ACTR3C: variants seen among roughly 807,000 people sequenced by gnomAD.
ACTR3C encodes the protein actin-related protein 3C.
A neutral mutation model predicts 26.3 loss-of-function variants in ACTR3C; 18 were observed. The observed-to-expected ratio is 0.68, with a 90% confidence interval of 0.47 to 1.01. The LOEUF is 1.01. ACTR3C is among the 50% of genes least tolerant of loss of function. The pLI is 0.00. For synonymous variants in ACTR3C, 55 were observed against 94.5 expected (o/e 0.58, Z 2.42); for missense variants, 184 against 250.7 (o/e 0.73, Z 1.80).
intron 6 of ACTR3C, among the ~76,000 whole-genome samples, chr7:150,259,332 A>C (rs556810048): frequency 1.8e-4 from 27 of 152,152 alleles, no homozygotes; most frequent in Non-Finnish European, 3.2e-4. Context: ...GAAAGGAAAG[A>C]AAGAAAGAAA....
chr7:150,058,720 T>C, the ACTR3C span, among the ~76,000 whole-genome samples: 1 of 152,068 alleles, frequency 6.6e-6, no homozygotes, highest in African/African-American at 2.4e-5. Context: ...ATCGAGACCA[T>C]CCTGGCCAAC....
chr7:149,991,677 A>G, the ACTR3C span, among the ~76,000 whole-genome samples: 2 of 152,228 alleles, frequency 1.3e-5, no homozygotes, highest in Non-Finnish European at 2.9e-5. Context: ...TACTTCTGAC[A>G]TCTTAGATTA....
chr7:150,041,266 T>C, the ACTR3C span: 1 of 150,894 alleles, frequency 6.6e-6, no homozygotes, highest in Non-Finnish European at 1.5e-5. Context: ...GGATCCACAG[T>C]CTACAAAACC....
chr7:150,308,419 T>A (rs1197017084), intron 1 of ACTR3C, among the ~76,000 whole-genome samples: 2 of 152,180 alleles, frequency 1.3e-5, no homozygotes, highest in Non-Finnish European at 2.9e-5. Flanking sequence ...CACTTTCGAT[T>A]TCTCCATCCC....
the ACTR3C span, among the ~76,000 whole-genome samples, chr7:150,007,868 G>A: frequency 4.6e-5 from 7 of 152,014 alleles, no homozygotes; most frequent in Non-Finnish European, 8.8e-5. Flanking sequence ...TGGGGAGAAC[G>A]GAGGGGTGTG....
chr7:150,169,500 G>T, the ACTR3C span, among the ~76,000 whole-genome samples: 1 of 149,948 alleles, frequency 6.7e-6, no homozygotes, highest in African/African-American at 2.5e-5. Flanking sequence ...AAAGAATTCA[G>T]CAAGAAGCTT....
chr7:150,266,138 T>A (rs1834019540), intron 6 of ACTR3C, among the ~76,000 whole-genome samples: 1 of 148,514 alleles, frequency 6.7e-6, no homozygotes, highest in African/African-American at 2.6e-5. Context: ...GTTTTTTAAC[T>A]AAAAAATTAT....
chr7:150,128,245 G>A, the ACTR3C span, among the ~76,000 whole-genome samples: 52 of 151,386 alleles, frequency 3.4e-4, no homozygotes, highest in Admixed American at 1.2e-3. Context: ...CAGCTCCTTA[G>A]AAGAATTGCA....
the ACTR3C span, among the ~76,000 whole-genome samples, chr7:150,224,490 C>A: frequency 6.6e-6 from 1 of 152,146 alleles, no homozygotes; most frequent in Non-Finnish European, 1.5e-5. Flanking sequence ...GATAGTTTCT[C>A]ACATGTATTC....
the ACTR3C span, among the ~76,000 whole-genome samples, chr7:150,140,924 A>G: frequency 6.6e-6 from 1 of 152,274 alleles, no homozygotes; most frequent in East Asian, 1.9e-4. Flanking sequence ...CAGTGAACAC[A>G]TGAATGATAA....
At chr7:150,099,529 C>A in the ACTR3C span, among the ~76,000 whole-genome samples, 1 of 151,476 alleles carries the variant, frequency 6.6e-6, no homozygotes, top group Admixed American at 6.6e-5. Context: ...CCATGATGAT[C>A]TATGGGACAT....
intron 1 of ACTR3C, among the ~76,000 whole-genome samples, chr7:150,307,839 T>G (rs1278198102): frequency 6.6e-6 from 1 of 152,242 alleles, no homozygotes; most frequent in Non-Finnish European, 1.5e-5. Context: ...TCACCAATTT[T>G]AAATTGGGTA....
At chr7:150,295,385 A>C (rs1428094855) in intron 1 of ACTR3C, 38 bp from the exon 2 acceptor site, 1 of 1,591,048 alleles carries the variant, frequency 6.3e-7, no homozygotes, top group Non-Finnish European at 8.6e-7. Flanking sequence ...TGTTTACCCA[A>C]ATTTCATGTA....
the ACTR3C span, among the ~76,000 whole-genome samples, chr7:149,999,089 G>C: frequency 6.6e-6 from 1 of 150,598 alleles, no homozygotes; most frequent in Non-Finnish European, 1.5e-5. Context: ...TGGAAGGCCT[G>C]AGCTAGAGTA....
the ACTR3C span, among the ~76,000 whole-genome samples, chr7:150,161,829 G>C: frequency 0.71 from 107,211 of 151,716 alleles, 39,528 homozygotes; most frequent in African/African-American, 0.92. Context: ...CTTGGGACGT[G>C]TGACTTGGAT....
the ACTR3C span, among the ~76,000 whole-genome samples, chr7:149,886,812 C>A: frequency 2.0e-5 from 3 of 151,836 alleles, no homozygotes; most frequent in Non-Finnish European, 4.4e-5. Context: ...AAAAAGTAGT[C>A]GAGTGTGTGT....
Position 150,323,519 on chromosome 7 carries a change from G to C in ACTR3C, c.-102C>G, listed in dbSNP as rs772002243. 4.1e-5 allele frequency: 18 copies of C among 438,474 alleles called. No homozygotes were observed. Among genetic ancestry groups the C allele is most frequent in the South Asian group, 2.9e-4 (18 of 63,086 alleles). The allele number at this position is 438,474 out of a possible 1,614,324, so 27.2% of individuals were successfully genotyped here. A position where few individuals can be genotyped will look rare whatever the true frequency, so the allele number is the denominator to read the frequency against. ...GTGCGGAGTTGCGCCGGACTTCCCA[G>C]CTTGGCCAGTGGCTCCGCAGGCTGC... On this transcript the variant is annotated 5_prime_UTR_variant, in exon 1 of 8. Coordinates refer to ENST00000683684, the MANE Select transcript of ACTR3C (RefSeq NM_001164458.2).
the ACTR3C span, among the ~76,000 whole-genome samples, chr7:150,029,714 TA>T: frequency 6.6e-6 from 1 of 151,944 alleles, no homozygotes; most frequent in African/African-American, 2.4e-5. Context: ...CCCATGACCT[TA>T]AAAAAAGTCA....
At position 150,295,259 on chromosome 7, in the gene ACTR3C, G is replaced by A. The variant is rs755099924; in HGVS notation, c.38C>T (p.Ala13Val). The change falls in exon 2 of 8, where the codon GCA becomes GTA. Residue 13 changes from alanine to valine, a missense_variant. By Grantham distance (64) the Ala-to-Val change is moderately conservative. Transcript: ENST00000683684. ...AAACATAACTGGTTTTACCTGAACT[G>A]CAATGTAGAGTCCTGGAACGTTAAA... ...ESFNVPGLYI[A>V]VQAVLALAAS... 1.9e-6 allele frequency: 3 copies of A among 1,613,950 alleles called. No homozygotes were observed. The highest frequency in any genetic ancestry group is 2.5e-6 in the Non-Finnish European group (3 of 1,179,846).
Sources: allele counts gnomAD v4.1 joint callset (sites outside exome capture counted in the v4.1 genomes callset), GRCh38; gene constraint gnomAD v4.1.1; transcripts MANE v1.5; gene names NCBI Gene and HGNC (gene_info 2026-07-23, HGNC 2026-07-21).